Variants in PPM1H observed in about 807,000 individuals in gnomAD.
PPM1H encodes the protein protein phosphatase 1H.
In PPM1H, 27 loss-of-function variants were observed where a neutral mutation model predicts 54.9. The ratio of observed to expected loss-of-function variants is 0.49; its 90% CI spans 0.36 to 0.68. The LOEUF (loss-of-function observed/expected upper bound fraction) is 0.68. Among genes scored for constraint, PPM1H ranks in the 30% least tolerant of loss-of-function variants. PPM1H has a pLI of 0.00. For missense variants in PPM1H, 596 were observed against 667.8 expected, an observed-to-expected ratio of 0.89 and a Z score of 1.19; for synonymous variants, 305 against 270.8, an observed-to-expected ratio of 1.13 and a Z score of -1.24.
intron 4 of PPM1H, among the ~76,000 whole-genome samples, chr12:62,752,056 G>A (rs533543533): frequency 3.3e-5 from 5 of 152,294 alleles, no homozygotes; most frequent in African/African-American, 1.2e-4. Context: ...TTTGGGAGCT[G>A]GCTGTGGTGA....
intron 4 of PPM1H, among the ~76,000 whole-genome samples, chr12:62,771,045 GACACACACAC>G (rs71086630): frequency 8.9e-4 from 115 of 129,496 alleles, no homozygotes; most frequent in South Asian, 2.2e-3. Flanking sequence ...AAAAGAAAAA[GACACACACAC>G]ACACACACAC....
intron 1 of PPM1H, among the ~76,000 whole-genome samples, chr12:62,865,589 C>T (rs183294100): frequency 4.7e-4 from 72 of 152,282 alleles, no homozygotes; most frequent in African/African-American, 1.6e-3. Flanking sequence ...CTCCGTCTCC[C>T]GGGCTCAAGC....
intron 9 of PPM1H, among the ~76,000 whole-genome samples, chr12:62,661,915 C>G (rs1207899591): frequency 6.6e-6 from 1 of 152,132 alleles, no homozygotes; most frequent in Non-Finnish European, 1.5e-5. Context: ...ACTGTGTTCC[C>G]CTTGCAATTT....
At chr12:62,835,985 T>C (rs1043763811) in intron 1 of PPM1H, among the ~76,000 whole-genome samples, 3 of 152,226 alleles carry the variant, frequency 2.0e-5, no homozygotes, top group Non-Finnish European at 4.4e-5. Flanking sequence ...AGCATGCTGT[T>C]AACAGATTCA....
At chr12:62,667,095 T>C in intron 9 of PPM1H, 83 bp downstream of exon 9, 1 of 1,424,558 alleles carries the variant, frequency 7.0e-7, no homozygotes, top group South Asian at 1.4e-5. Flanking sequence ...TCATGAATTA[T>C]GAAAATTGCA....
intron 7 of PPM1H, among the ~76,000 whole-genome samples, chr12:62,693,402 T>C (rs147750181): frequency 6.6e-6 from 1 of 152,322 alleles, no homozygotes; most frequent in East Asian, 1.9e-4. Flanking sequence ...CTCTCTTCCA[T>C]GGGGCAAGTG....
chr12:62,814,208 T>G (rs2076852286), intron 2 of PPM1H, among the ~76,000 whole-genome samples: 2 of 152,012 alleles, frequency 1.3e-5, no homozygotes, highest in Admixed American at 1.3e-4. Flanking sequence ...GCCTCCTGAG[T>G]AGATGGGACC....
rs536354054 is a variant in PPM1H at position 62,824,465 on chromosome 12, A to G, written c.411+7649T>C. Among the ~76,000 whole-genome samples, 62 of 152,350 alleles carry G rather than the reference A, an allele frequency of 4.1e-4. 1 individual carries two copies. In the South Asian group the frequency reaches 5.4e-3, roughly 13 times the overall value. ...CAAGACAATCCTAAGCAAAAAGAAC[A>G]AAGCTGGAGGCATCACGCTACCTGA... is the stretch of plus-strand genomic sequence containing the variant. On this transcript the variant is annotated intron_variant, in intron 2 of 9. Transcript: ENST00000228705.
intron 5 of PPM1H, among the ~76,000 whole-genome samples, chr12:62,732,160 A>T (rs1362376857): frequency 6.6e-6 from 1 of 151,902 alleles, no homozygotes; most frequent in Admixed American, 6.6e-5. Context: ...CGTCCCTTGA[A>T]CTCCTCATCA....
chr12:62,892,908 C>T (rs902784754), intron 1 of PPM1H, among the ~76,000 whole-genome samples: 1 of 152,214 alleles, frequency 6.6e-6, no homozygotes, highest in African/African-American at 2.4e-5. Context: ...TCTGTATAGA[C>T]ATGCCATTCC....
chr12:62,761,553 G>A (rs1366869558), intron 4 of PPM1H, among the ~76,000 whole-genome samples: 2 of 152,028 alleles, frequency 1.3e-5, no homozygotes, highest in African/African-American at 4.8e-5. Flanking sequence ...TCTATGTTTT[G>A]TACTAAGGTA....
At position 62,880,521 on chromosome 12, in the gene PPM1H, G is replaced by A. The variant is rs553054931; in HGVS notation, c.246-48242C>T. Among the ~76,000 whole-genome samples the A allele has an allele frequency of 2.9e-4, 44 of 152,276 alleles. 1 individual carries two copies. Among genetic ancestry groups the A allele is most frequent in the Admixed American group, 2.4e-3 (37 of 15,306 alleles). On this transcript the variant is annotated intron_variant, in intron 1 of 9. Transcript: ENST00000228705. ...TAAAGGCATGCACACTTATACACTT[G>A]AGGGGAGACAATCTGATTTCCCCCA...
chr12:62,768,120 A>G (rs2076555058), intron 4 of PPM1H, among the ~76,000 whole-genome samples: 1 of 152,164 alleles, frequency 6.6e-6, no homozygotes, highest in Non-Finnish European at 1.5e-5. Flanking sequence ...TTCGTGGGTC[A>G]TACATCACTC....
Position 62,646,478 on chromosome 12 carries a change from C to G in PPM1H, c.*2011G>C, listed in dbSNP as rs1318085107. ...AAGACTTGCTCAGGTTTCCTACTTA[C>G]ACATGACTCTGAGTGCCAGGGCAGA... is the stretch of plus-strand genomic sequence containing the variant. On this transcript the variant is annotated 3_prime_UTR_variant, in exon 10 of 10. Transcript: ENST00000228705. 1 of 152,228 alleles carries G rather than the reference C, an allele frequency of 6.6e-6. No individual in the cohort carries two copies. Among genetic ancestry groups the G allele is most frequent in the Admixed American group, 6.5e-5 (1 of 15,288 alleles). The allele number at this position is 152,228 out of a possible 1,614,324, so 9.4% of individuals were successfully genotyped here.
At chr12:62,795,588 C>T (rs1436738863) in intron 3 of PPM1H, among the ~76,000 whole-genome samples, 3 of 151,956 alleles carry the variant, frequency 2.0e-5, no homozygotes, top group South Asian at 2.1e-4. Context: ...CTGGGACTAC[C>T]GCCCACCACC....
intron 4 of PPM1H, among the ~76,000 whole-genome samples, chr12:62,785,267 C>A (rs1192597166): frequency 6.6e-6 from 1 of 152,200 alleles, no homozygotes; most frequent in Non-Finnish European, 1.5e-5. Context: ...ACCTCTGCCT[C>A]CCATGTTCAA....
intron 4 of PPM1H, among the ~76,000 whole-genome samples, chr12:62,787,931 T>C (rs1478221641): frequency 6.6e-6 from 1 of 152,178 alleles, no homozygotes. Context: ...TTCCTCCTCA[T>C]CACTCTCACA....
rs1212502329 is a variant in PPM1H, at chr12:62,844,124, T to C, written c.246-11845A>G. Among the ~76,000 whole-genome samples, 1 of 152,208 alleles carries C rather than the reference T, an allele frequency of 6.6e-6. No individual in the cohort carries two copies. Among genetic ancestry groups the C allele is most frequent in the Non-Finnish European group, 1.5e-5 (1 of 68,036 alleles). ...AGAAATTATGATTAAGCATCGAGTT[T>C]ATTCCAGCGCAGTGCAAAGCTTAAG... On this transcript the variant is annotated intron_variant, in intron 1 of 9. Coordinates refer to ENST00000228705, the MANE Select transcript of PPM1H (RefSeq NM_020700.2). This position sits in a 1 kb window ranked among gnomAD's most constrained non-coding sequence, Gnocchi z 5.2.
chr12:62,895,828 A>G (rs1406248927), intron 1 of PPM1H, among the ~76,000 whole-genome samples: 1 of 152,144 alleles, frequency 6.6e-6, no homozygotes, highest in Non-Finnish European at 1.5e-5. Flanking sequence ...CCCTCATCAG[A>G]AGTGGAGCAG....
Sources: allele counts gnomAD v4.1 joint callset (sites outside exome capture counted in the v4.1 genomes callset), GRCh38; gene constraint gnomAD v4.1.1; non-coding constraint Gnocchi (gnomAD v3.1); transcripts MANE v1.5; gene names NCBI Gene and HGNC (gene_info 2026-07-23, HGNC 2026-07-21).